The following PRKCA variants were observed in gnomAD, a reference collection of about 807,000 sequenced individuals.
The protein encoded by PRKCA is protein kinase C alpha, also known as protein kinase C alpha type.
A neutral mutation model predicts 87.0 loss-of-function variants in PRKCA; 27 were observed. That is an observed-to-expected ratio of 0.31 (90% CI 0.23 to 0.43). PRKCA has a LOEUF of 0.43. Among genes scored for constraint, PRKCA ranks in the 20% least tolerant of loss-of-function variants. The probability of loss-of-function intolerance (pLI) is 1.00; values close to 1 mark genes in which losing one functional copy is unlikely to be tolerated. For synonymous variants in PRKCA, 329 were observed against 311.1 expected (o/e 1.06, Z -0.61); for missense variants, 518 against 852.3 (o/e 0.61, Z 4.88).
chr17:66,622,954 A>C (rs914069126), intron 3 of PRKCA, among the ~76,000 whole-genome samples: 2 of 152,276 alleles, frequency 1.3e-5, no homozygotes, highest in African/African-American at 4.8e-5. Context: ...GGGTGGGGAC[A>C]CAGAGCCAAA....
chr17:66,385,282 A>G (rs996325858), intron 2 of PRKCA, among the ~76,000 whole-genome samples: 1 of 152,194 alleles, frequency 6.6e-6, no homozygotes, highest in African/African-American at 2.4e-5. Flanking sequence ...TGAATCAAGT[A>G]TTTAAATTGC....
chr17:66,796,384 G>C (rs1975669799), intron 16 of PRKCA: 3 of 961,342 alleles, frequency 3.1e-6, no homozygotes, highest in Non-Finnish European at 3.7e-6. Flanking sequence ...CCCGATTCTG[G>C]ACTTGCAAGG....
intron 2 of PRKCA, among the ~76,000 whole-genome samples, chr17:66,469,398 C>T (rs778235518): frequency 1.3e-5 from 2 of 152,126 alleles, no homozygotes; most frequent in Admixed American, 6.5e-5. Flanking sequence ...GACATATGCT[C>T]ATTGGGGGAA....
intron 3 of PRKCA, among the ~76,000 whole-genome samples, chr17:66,586,328 C>T (rs925748114): frequency 6.7e-6 from 1 of 148,798 alleles, no homozygotes; most frequent in African/African-American, 2.5e-5. Flanking sequence ...ACAGTGGGCC[C>T]TCAAAAAATA....
chr17:66,461,116 G>T (rs1914830169), intron 2 of PRKCA, among the ~76,000 whole-genome samples: 1 of 148,946 alleles, frequency 6.7e-6, no homozygotes, highest in South Asian at 2.1e-4. Flanking sequence ...TGAGGCAGGA[G>T]AATTGCTTGA....
chr17:66,680,352 G>A (rs1030893052), intron 5 of PRKCA, among the ~76,000 whole-genome samples: 5 of 152,158 alleles, frequency 3.3e-5, no homozygotes, highest in South Asian at 2.1e-4. Context: ...GAGGTGTCAC[G>A]GGGTCAGCAC....
At chr17:66,759,985 C>T (rs1194974879) in intron 13 of PRKCA, among the ~76,000 whole-genome samples, 1 of 152,196 alleles carries the variant, frequency 6.6e-6, no homozygotes, top group Non-Finnish European at 1.5e-5. Context: ...TATTTGAAGG[C>T]TTCAGTGCCC....
chr17:66,544,596 A>T (rs1485649993), intron 3 of PRKCA, among the ~76,000 whole-genome samples: 1 of 149,756 alleles, frequency 6.7e-6, no homozygotes, highest in Non-Finnish European at 1.5e-5. Flanking sequence ...TACCAATATC[A>T]TTTTTTTTTT....
At chr17:66,532,477 T>C (rs1967587223) in intron 3 of PRKCA, among the ~76,000 whole-genome samples, 1 of 151,908 alleles carries the variant, frequency 6.6e-6, no homozygotes, top group Non-Finnish European at 1.5e-5. Flanking sequence ...GCAATTCTTG[T>C]GCTTCCACCT....
At chr17:66,729,569 C>T (rs149823924) in intron 8 of PRKCA, among the ~76,000 whole-genome samples, 1 of 152,244 alleles carries the variant, frequency 6.6e-6, no homozygotes, top group East Asian at 1.9e-4. Context: ...GGGCCTTCTA[C>T]GTTTCCAGTG....
chr17:66,649,787 G>T (rs1971544059), intron 5 of PRKCA, among the ~76,000 whole-genome samples: 1 of 152,128 alleles, frequency 6.6e-6, no homozygotes, highest in African/African-American at 2.4e-5. Context: ...AGAGAACAAA[G>T]AACAACCCAT....
chr17:66,404,816 C>G (rs763710936), intron 2 of PRKCA, among the ~76,000 whole-genome samples: 1 of 127,266 alleles, frequency 7.9e-6, no homozygotes, highest in Non-Finnish European at 1.6e-5. Context: ...GTGGCACGAT[C>G]TCGGCTCACT....
At chr17:66,387,790 A>C (rs945373406) in intron 2 of PRKCA, among the ~76,000 whole-genome samples, 2 of 152,200 alleles carry the variant, frequency 1.3e-5, no homozygotes, top group Non-Finnish European at 2.9e-5. Context: ...GGTAGGGCAG[A>C]GGTGGACCGG....
chr17:66,773,190 A>G (rs1974978623), intron 13 of PRKCA, among the ~76,000 whole-genome samples: 2 of 152,180 alleles, frequency 1.3e-5, no homozygotes, highest in Admixed American at 1.3e-4. Context: ...AATGAATGGT[A>G]AGTCCTCAGT....
In PRKCA at chr17:66,749,795, T is replaced by G. The variant is rs1245627262; in HGVS notation, c.1524+7035T>G. On this transcript the variant is annotated intron_variant, in intron 13 of 16. Coordinates refer to ENST00000413366, the MANE Select transcript of PRKCA (RefSeq NM_002737.3). Reference sequence around the variant, plus strand: ...CCTTGGAGACTGAGAGGGGTGGAACTCTTTAGCCAGGTGATTGGAAGGGTG... The same window carrying G: ...CCTTGGAGACTGAGAGGGGTGGAACGCTTTAGCCAGGTGATTGGAAGGGTG... Among the ~76,000 whole-genome samples, 3 of 152,212 alleles carry G rather than the reference T, an allele frequency of 2.0e-5. No homozygotes were observed. The East Asian group carries it at 5.8e-4, about 30-fold the overall frequency.
At chr17:66,564,558 T>C (rs1279593292) in intron 3 of PRKCA, among the ~76,000 whole-genome samples, 3 of 152,350 alleles carry the variant, frequency 2.0e-5, no homozygotes, top group African/African-American at 7.2e-5. Context: ...CAAGCACTGT[T>C]GAAGCACTTC....
At chr17:66,685,915 T>C (rs1284266420) in intron 5 of PRKCA, among the ~76,000 whole-genome samples, 6 of 152,242 alleles carry the variant, frequency 3.9e-5, no homozygotes, top group Admixed American at 2.0e-4. Context: ...ACACAGATCA[T>C]TGGACCTCAC....
In PRKCA at chr17:66,530,519, T is replaced by C. The variant is rs543869807; in HGVS notation, c.288+34236T>C. On this transcript the variant is annotated intron_variant, in intron 3 of 16. Coordinates refer to ENST00000413366, the MANE Select transcript of PRKCA (RefSeq NM_002737.3). The stretch of plus-strand genomic sequence containing the variant: ...GGAGCTTTGCAATTTGCTGCCTCTT[T>C]TCAGCCCTCAGCTTGACTCTCAGTT... 2.0e-5 allele frequency among the ~76,000 whole-genome samples: 3 copies of C among 152,366 alleles called. No individual in the cohort carries two copies. In the East Asian group the frequency reaches 5.8e-4, roughly 29 times the overall value.
At chr17:66,687,761 G>A (rs545059858) in intron 6 of PRKCA, among the ~76,000 whole-genome samples, 1 of 152,314 alleles carries the variant, frequency 6.6e-6, no homozygotes, top group Non-Finnish European at 1.5e-5. Context: ...CAGCCTGGGA[G>A]GGTTGCCAGG....
Sources: allele counts gnomAD v4.1 joint callset (sites outside exome capture counted in the v4.1 genomes callset), GRCh38; gene constraint gnomAD v4.1.1; transcripts MANE v1.5; gene names NCBI Gene and HGNC (gene_info 2026-07-23, HGNC 2026-07-21).